The following CUX2 variants were observed in gnomAD, a reference collection of about 807,000 sequenced individuals.
The protein encoded by CUX2 is cut like homeobox 2, also known as homeobox protein cut-like 2.
Under a neutral mutation model 144.8 loss-of-function variants are expected in CUX2, and 40 were observed. The ratio of observed to expected loss-of-function variants is 0.28; its 90% confidence interval spans 0.21 to 0.36. The LOEUF (loss-of-function observed/expected upper bound fraction) is 0.36. Among genes scored for constraint, CUX2 ranks in the 10% least tolerant of loss-of-function variants. The pLI is 1.00. For missense variants in CUX2, 1,615 were observed against 1,994.0 expected (o/e 0.81, Z 3.62); for synonymous variants, 827 against 875.6 (o/e 0.94, Z 0.98).
chr12:111,119,387 T>G (rs889796155), intron 1 of CUX2, among the ~76,000 whole-genome samples: 1 of 152,074 alleles, frequency 6.6e-6, no homozygotes, highest in African/African-American at 2.4e-5. Flanking sequence ...GTGGATCGCT[T>G]GAGTCCAGGA....
intron 10 of CUX2, among the ~76,000 whole-genome samples, chr12:111,305,430 A>G (rs780049087): frequency 7.9e-5 from 12 of 152,118 alleles, no homozygotes; most frequent in Non-Finnish European, 1.6e-4. Flanking sequence ...GTTACTGTGT[A>G]TGTGTGTCTC....
intron 1 of CUX2, among the ~76,000 whole-genome samples, chr12:111,036,719 C>A (rs1283824509): frequency 1.3e-5 from 2 of 150,216 alleles, no homozygotes; most frequent in African/African-American, 4.9e-5. Flanking sequence ...TCATTTACAT[C>A]GATATTAAGT....
chr12:111,265,207 G>A (rs1450744382), intron 4 of CUX2, among the ~76,000 whole-genome samples: 1 of 152,002 alleles, frequency 6.6e-6, no homozygotes, highest in East Asian at 1.9e-4. Context: ...GTGGTTTCTC[G>A]GTCCTGGTTT....
intron 2 of CUX2, among the ~76,000 whole-genome samples, chr12:111,215,358 A>G (rs1048942920): frequency 2.0e-5 from 3 of 152,202 alleles, no homozygotes; most frequent in Non-Finnish European, 4.4e-5. Flanking sequence ...ATGAGCACAG[A>G]GGGGAGAAGC....
chr12:111,152,420 G>T (rs141497362), intron 1 of CUX2, among the ~76,000 whole-genome samples: 8 of 152,172 alleles, frequency 5.3e-5, no homozygotes, highest in African/African-American at 1.9e-4. Context: ...AAACTGGAGC[G>T]CCTATGGCTC....
chr12:111,078,613 C>T (rs951020927), intron 1 of CUX2, among the ~76,000 whole-genome samples: 7 of 152,046 alleles, frequency 4.6e-5, no homozygotes, highest in African/African-American at 1.7e-4. Flanking sequence ...GAGGCTGCAG[C>T]GAGCTATGAT....
intron 16 of CUX2, among the ~76,000 whole-genome samples, chr12:111,316,638 C>T (rs998578009): frequency 7.2e-5 from 11 of 151,764 alleles, no homozygotes; most frequent in East Asian, 1.9e-4. Context: ...TTAGTAGAGA[C>T]GGGGTTTCAC....
At chr12:111,064,075 A>C (rs546309891) in intron 1 of CUX2, among the ~76,000 whole-genome samples, 1 of 152,304 alleles carries the variant, frequency 6.6e-6, no homozygotes, top group South Asian at 2.1e-4. Context: ...AAGGGGCTTT[A>C]CCTCAAAATC....
chr12:111,046,503 A>G (rs1743385418), intron 1 of CUX2, among the ~76,000 whole-genome samples: 1 of 152,132 alleles, frequency 6.6e-6, no homozygotes, highest in South Asian at 2.1e-4. Flanking sequence ...CTGGACTTGA[A>G]CCCAAGACCC....
chr12:111,342,590 T>C (rs1253434618), intron 21 of CUX2, among the ~76,000 whole-genome samples: 3 of 151,982 alleles, frequency 2.0e-5, no homozygotes, highest in Non-Finnish European at 4.4e-5. Context: ...ACCTGTAAAA[T>C]GGGGTGGACA....
At chr12:111,118,889 A>G (rs1874459123) in intron 1 of CUX2, among the ~76,000 whole-genome samples, 1 of 152,300 alleles carries the variant, frequency 6.6e-6, no homozygotes, top group Admixed American at 6.5e-5. Flanking sequence ...CTTTCCCACC[A>G]ATGTGGAGAA....
At chr12:111,125,336 C>T (rs1179482240) in intron 1 of CUX2, among the ~76,000 whole-genome samples, 1 of 152,110 alleles carries the variant, frequency 6.6e-6, no homozygotes, top group African/African-American at 2.4e-5. Flanking sequence ...CGTGCCACCG[C>T]ACCAGGCTAA....
chr12:111,099,322 AGCTGAG>A (rs1873045588), intron 1 of CUX2: 1 of 340,904 alleles, frequency 2.9e-6, no homozygotes, highest in Non-Finnish European at 5.8e-6. Flanking sequence ...GTGTGGCAAG[AGCTGAG>A]GCTGGAGGCC....
In CUX2 at chr12:111,330,699, A is replaced by G. The variant is rs1390518580; in HGVS notation, c.2927-3742A>G. 7.3e-4 allele frequency among the ~76,000 whole-genome samples: 9 copies of G among 12,302 alleles called. 1 individual carries two copies. Among genetic ancestry groups the G allele is most frequent in the African/African-American group, 2.4e-3 (8 of 3,322 alleles). The allele number at this position is 12,302 out of a possible 152,430, so 8.1% of individuals were successfully genotyped here. ...AAAATACATATACATATATATATATATATATATATATATATATATATATAT... is the reference window on the plus strand; with the variant it reads ...AAAATACATATACATATATATATATGTATATATATATATATATATATATAT... On this transcript the variant is annotated intron_variant, in intron 18 of 21. Coordinates refer to ENST00000261726, the MANE Select transcript of CUX2 (RefSeq NM_015267.4).
chr12:111,285,585 G>A (rs1885338970), intron 4 of CUX2, among the ~76,000 whole-genome samples: 1 of 152,192 alleles, frequency 6.6e-6, no homozygotes, highest in Non-Finnish European at 1.5e-5. Flanking sequence ...CCTGCTTAGA[G>A]CCAGCAAGTT....
intron 18 of CUX2, among the ~76,000 whole-genome samples, chr12:111,334,023 T>A (rs577946895): frequency 6.6e-6 from 1 of 151,714 alleles, no homozygotes; most frequent in East Asian, 2.0e-4. Flanking sequence ...CCGTCTCTAC[T>A]AAAGATACAA....
intron 16 of CUX2, 55 bp from the exon 17 acceptor site, chr12:111,319,957 C>T: frequency 7.1e-7 from 1 of 1,418,286 alleles, no homozygotes; most frequent in Non-Finnish European, 9.2e-7. Context: ...ACATCGTCCC[C>T]TGCATGCCGA....
intron 1 of CUX2, among the ~76,000 whole-genome samples, chr12:111,075,937 G>A (rs1173844736): frequency 6.6e-6 from 1 of 152,190 alleles, no homozygotes; most frequent in Non-Finnish European, 1.5e-5. Context: ...GGGCTTAGCA[G>A]GTGGCCGGGA....
In CUX2 at chr12:111,277,653, A is replaced by G. The variant is rs922927760; in HGVS notation, c.302-13765A>G. ...AGCCCCAGGAGGGCAGGAATTTTCT[A>G]TCATTTCCTGCTGGACCTCCACGGC... On this transcript the variant is annotated intron_variant, in intron 4 of 21. Coordinates refer to ENST00000261726, the MANE Select transcript of CUX2 (RefSeq NM_015267.4). This position sits in a 1 kb window ranked among gnomAD's most constrained non-coding sequence, Gnocchi z 5.0. 6.6e-6 allele frequency among the ~76,000 whole-genome samples: 1 copy of G among 152,092 alleles called. No homozygotes were observed. The highest frequency in any genetic ancestry group is 1.5e-5 in the Non-Finnish European group (1 of 68,022).
Sources: allele counts gnomAD v4.1 joint callset (sites outside exome capture counted in the v4.1 genomes callset), GRCh38; gene constraint gnomAD v4.1.1; non-coding constraint Gnocchi (gnomAD v3.1); transcripts MANE v1.5; gene names NCBI Gene and HGNC (gene_info 2026-07-23, HGNC 2026-07-21).